Variants in SGPP1 observed in about 807,000 individuals in gnomAD.
The protein encoded by SGPP1 is hSPP1.
SGPP1 carries 21 observed loss-of-function variants against 33.0 expected under a neutral mutation model. The ratio of observed to expected loss-of-function variants is 0.64; its 90% confidence interval spans 0.45 to 0.92. SGPP1 has a LOEUF of 0.92. SGPP1 is among the 40% of genes least tolerant of loss of function. The pLI is 0.00. For synonymous variants in SGPP1, 239 were observed against 241.2 expected, an observed-to-expected ratio of 0.99 and a Z score of 0.08; for missense variants, 543 against 589.4, an observed-to-expected ratio of 0.92 and a Z score of 0.81.
At chr14:63,715,365 A>G (rs1458099773) in intron 1 of SGPP1, among the ~76,000 whole-genome samples, 1 of 152,100 alleles carries the variant, frequency 6.6e-6, no homozygotes, top group Non-Finnish European at 1.5e-5. Context: ...TACCTGTGCA[A>G]CTGTCATTAG....
chr14:63,694,281 A>T (rs1309549323), intron 2 of SGPP1, among the ~76,000 whole-genome samples: 1 of 151,936 alleles, frequency 6.6e-6, no homozygotes, highest in Non-Finnish European at 1.5e-5. Context: ...CTCAGAAAAG[A>T]AAAGAAAAAA....
intron 1 of SGPP1, among the ~76,000 whole-genome samples, chr14:63,726,262 A>G (rs1443694192): frequency 6.6e-6 from 1 of 152,192 alleles, no homozygotes; most frequent in Non-Finnish European, 1.5e-5. Context: ...GAAAAAATAG[A>G]GGAAGTTTGT....
Position 63,686,362 on chromosome 14 carries a change from T to C in SGPP1, c.1069A>G (p.Ile357Val), listed in dbSNP as rs767078774. 1.3e-4 allele frequency: 209 copies of C among 1,613,972 alleles called. No individual in the cohort carries two copies. In the South Asian group the frequency reaches 2.1e-3, roughly 16 times the overall value. ...GCTTTTCCAAACAGAGTCACAGTAA[T>C]GGGGGGCCCAGCTAAAGGTAATGTA... is the stretch of plus-strand genomic sequence containing the variant. The part of the protein sequence containing the change: ...LDTLPLAGPP[I>V]TVTLFGKAIL... The change falls in exon 3 of 3, where the codon ATT becomes GTT. Residue 357 changes from isoleucine to valine, a missense_variant. By Grantham distance (29) the Ile-to-Val change is conservative. Coordinates refer to ENST00000247225, the MANE Select transcript of SGPP1 (RefSeq NM_030791.4).
At chr14:63,687,542 G>C (rs961883774) in intron 2 of SGPP1, among the ~76,000 whole-genome samples, 1 of 152,214 alleles carries the variant, frequency 6.6e-6, no homozygotes, top group Non-Finnish European at 1.5e-5. Context: ...GACCCGATTA[G>C]AGTACTGATT....
rs552814755 is a variant in SGPP1 at position 63,689,662 on chromosome 14, G to A, written c.775-3006C>T. 5.9e-5 allele frequency among the ~76,000 whole-genome samples: 9 copies of A among 152,106 alleles called. No individual in the cohort carries two copies. In the South Asian group the frequency reaches 1.7e-3, roughly 28 times the overall value. On this transcript the variant is annotated intron_variant, in intron 2 of 2. Coordinates refer to ENST00000247225, the MANE Select transcript of SGPP1 (RefSeq NM_030791.4). ...AAATACAAAATTAGCCGGGTGTGGT[G>A]GCACATGCCTGTAATCCCAGCTGCT...
Position 63,684,801 on chromosome 14 carries a change from C to T in SGPP1, c.*1304G>A, listed in dbSNP as rs1440308054. On this transcript the variant is annotated 3_prime_UTR_variant, in exon 3 of 3. Transcript: ENST00000247225. ...AGACAGAAAAAAGAATAGTTTAATA[C>T]TATACGCAAATTTTCCACTGTGAAA... The T allele has an allele frequency of 6.6e-6, 1 of 152,306 alleles. No individual in the cohort carries two copies. Among genetic ancestry groups the T allele is most frequent in the African/African-American group, 2.4e-5 (1 of 41,404 alleles). The allele number at this position is 152,306 out of a possible 1,614,324, so 9.4% of individuals were successfully genotyped here.
At chr14:63,709,161 G>A (rs928467178) in intron 1 of SGPP1, among the ~76,000 whole-genome samples, 2 of 152,126 alleles carry the variant, frequency 1.3e-5, no homozygotes, top group African/African-American at 4.8e-5. Flanking sequence ...GATCACCTGA[G>A]GTCAGGAGTT....
At chr14:63,703,022 C>T (rs1303377702) in intron 1 of SGPP1, among the ~76,000 whole-genome samples, 5 of 152,008 alleles carry the variant, frequency 3.3e-5, no homozygotes, top group Non-Finnish European at 5.9e-5. Flanking sequence ...CAATGGGGGT[C>T]GTGGAACATA....
At chr14:63,719,006 ATATATATATTTTTTTTTTTTTTT>A (rs1194894521) in intron 1 of SGPP1, among the ~76,000 whole-genome samples, 4 of 25,138 alleles carry the variant, frequency 1.6e-4, no homozygotes, top group African/African-American at 9.3e-4. Flanking sequence ...ATATATATAT[ATATATATATTTTTTTTTTTTTTT>A]TTTTTTTTTT....
chr14:63,720,373 C>T lies in SGPP1; in HGVS notation c.684+6888G>A, dbSNP rs184080923. 1.3e-4 allele frequency among the ~76,000 whole-genome samples: 20 copies of T among 151,832 alleles called. No individual in the cohort carries two copies. In the East Asian group the frequency reaches 2.9e-3, roughly 22 times the overall value. On this transcript the variant is annotated intron_variant, in intron 1 of 2. Transcript: ENST00000247225. ...TGGATGGAAGGAAGGAAGAAAGAGA[C>T]GGAGGGAGGGGAAGGAAGGTCTTTG...
At chr14:63,701,627 G>A (rs1238079372) in intron 1 of SGPP1, among the ~76,000 whole-genome samples, 1 of 152,136 alleles carries the variant, frequency 6.6e-6, no homozygotes, top group African/African-American at 2.4e-5. Flanking sequence ...AGAGCAAGTA[G>A]AAGAGGTTAG....
chr14:63,685,936 G>A lies in SGPP1; in HGVS notation c.*169C>T, dbSNP rs1290901142. ...GAAATAGCTCAGCTCACCTAAAACA[G>A]TATCTGGATGTGCAATGATAAAATG... On this transcript the variant is annotated 3_prime_UTR_variant, in exon 3 of 3. Coordinates refer to ENST00000247225, the MANE Select transcript of SGPP1 (RefSeq NM_030791.4). 2.1e-6 allele frequency: 1 copy of A among 483,470 alleles called. No individual in the cohort carries two copies. The highest frequency in any genetic ancestry group is 2.0e-5 in the African/African-American group (1 of 50,474). The allele number at this position is 483,470 out of a possible 1,614,324, so 29.9% of individuals were successfully genotyped here.
At chr14:63,714,630 A>C (rs1357207320) in intron 1 of SGPP1, among the ~76,000 whole-genome samples, 1 of 152,116 alleles carries the variant, frequency 6.6e-6, no homozygotes, top group Non-Finnish European at 1.5e-5. Context: ...TTTGTTGCCC[A>C]GGCTGGTCTC....
intron 2 of SGPP1, among the ~76,000 whole-genome samples, chr14:63,697,208 C>A (rs1885204574): frequency 6.6e-6 from 1 of 152,094 alleles, no homozygotes; most frequent in Non-Finnish European, 1.5e-5. Context: ...GAAACAATGA[C>A]CAACCCCAAA....
intron 2 of SGPP1, among the ~76,000 whole-genome samples, chr14:63,693,834 G>C (rs1379858071): frequency 6.6e-6 from 1 of 152,172 alleles, no homozygotes; most frequent in Non-Finnish European, 1.5e-5. Context: ...GGTTGGTCTT[G>C]AACTCCTCCC....
chr14:63,686,501 G>A lies in SGPP1; in HGVS notation c.930C>T (p.Asp310=), dbSNP rs1884980530. 1.1e-5 allele frequency: 17 copies of A among 1,614,048 alleles called. No homozygotes were observed. The highest frequency in any genetic ancestry group is 1.4e-5 in the Non-Finnish European group (17 of 1,180,010). The stretch of plus-strand genomic sequence containing the variant: ...TGTCTCCTCGGGATGTGCTCCAGGT[G>A]TCAAGAGTGAAAGAAAAGATCCCCA... ...LALGIFSFTL[D]TWSTSRGDTA... is the part of the protein sequence containing the mutation. The change falls in exon 3 of 3, where the codon GAC becomes GAT. Residue 310 remains aspartate (D), a synonymous_variant. Coordinates refer to ENST00000247225, the MANE Select transcript of SGPP1 (RefSeq NM_030791.4).
chr14:63,727,417 G>C lies in SGPP1; in HGVS notation c.528C>G (p.Cys176Trp). 1.9e-6 allele frequency: 3 copies of C among 1,613,944 alleles called. No individual in the cohort carries two copies. The highest frequency in any genetic ancestry group is 2.5e-6 in the Non-Finnish European group (3 of 1,179,982). ...TCGGCCAGCGGATGATGTCCTTGGTGCACTGGCCCAGGTACATGACCAGCA... is the reference window on the plus strand; with the variant it reads ...TCGGCCAGCGGATGATGTCCTTGGTCCACTGGCCCAGGTACATGACCAGCA... ...IWVLVMYLGQCTKDIIRWPRP... is the reference protein window; with the variant it reads ...IWVLVMYLGQWTKDIIRWPRP... The change falls in exon 1 of 3, where the codon TGC becomes TGG. Residue 176 changes from cysteine to tryptophan, a missense_variant. Cys to Trp is a radical substitution (Grantham distance 215). Coordinates refer to ENST00000247225, the MANE Select transcript of SGPP1 (RefSeq NM_030791.4).
At position 63,706,016 on chromosome 14, in the gene SGPP1, C is replaced by T. The variant is rs745743630; in HGVS notation, c.685-7358G>A. On this transcript the variant is annotated intron_variant, in intron 1 of 2. Coordinates refer to ENST00000247225, the MANE Select transcript of SGPP1 (RefSeq NM_030791.4). ...AGTACTATTCACAATAACCAAAAGG[C>T]GGGCATAGCCCAAGTGTTCATCAAC... Among the ~76,000 whole-genome samples the T allele has an allele frequency of 1.4e-4, 21 of 152,176 alleles. No individual in the cohort carries two copies. The East Asian group carries it at 1.5e-3, about 11-fold the overall frequency.
At chr14:63,707,752 A>G (rs1271442756) in intron 1 of SGPP1, among the ~76,000 whole-genome samples, 1 of 151,736 alleles carries the variant, frequency 6.6e-6, no homozygotes, top group African/African-American at 2.4e-5. Context: ...AGCCCTTATT[A>G]AGTATTTTTT....
Sources: gnomAD v4.1 joint callset for allele counts (sites outside exome capture counted in the v4.1 genomes callset) on GRCh38, gnomAD v4.1.1 for gene constraint, MANE v1.5 for transcripts, NCBI Gene and HGNC (gene_info 2026-07-23, HGNC 2026-07-21) for gene names.